Variants in SLC25A4 observed in about 807,000 individuals in gnomAD.
The protein encoded by SLC25A4 is ADP/ATP translocase 1.
In SLC25A4, 10 loss-of-function variants were observed where a neutral mutation model predicts 24.7. The ratio of observed to expected loss-of-function variants is 0.41; its 90% CI spans 0.25 to 0.69. The LOEUF is 0.69. SLC25A4 is among the 30% of genes least tolerant of loss of function. The pLI, the probability that SLC25A4 is intolerant of heterozygous loss-of-function variation, is 0.35. For synonymous variants in SLC25A4, 125 were observed against 153.3 expected, an observed-to-expected ratio of 0.82 and a Z score of 1.36; for missense variants, 273 against 387.6, an observed-to-expected ratio of 0.70 and a Z score of 2.48.
Position 185,146,985 on chromosome 4 carries a change from C to T in SLC25A4, c.*14C>T, listed in dbSNP as rs763461907. The T allele has an allele frequency of 8.1e-6, 13 of 1,610,640 alleles. No homozygotes were observed. The Admixed American group carries it at 2.0e-4, about 25-fold the overall frequency. ...AAATATGTCTAATGTAATTAAAACACAAGTTCACAGATTTACAGTGAACTT... is the reference window on the plus strand; with the variant it reads ...AAATATGTCTAATGTAATTAAAACATAAGTTCACAGATTTACAGTGAACTT... On this transcript the variant is annotated 3_prime_UTR_variant, in exon 4 of 4. Coordinates refer to ENST00000281456, the MANE Select transcript of SLC25A4 (RefSeq NM_001151.4).
rs1436542911 is a variant in SLC25A4, at chr4:185,148,425, C to A, written c.*1454C>A. The A allele has an allele frequency of 6.6e-6, 1 of 152,122 alleles. No homozygotes were observed. The highest frequency in any genetic ancestry group is 1.5e-5 in the Non-Finnish European group (1 of 68,038). The allele number at this position is 152,122 out of a possible 1,614,324, so 9.4% of individuals were successfully genotyped here. A position where few individuals can be genotyped will look rare whatever the true frequency, so the allele number is the denominator to read the frequency against. Reference sequence around the variant, plus strand: ...CCGTGGAAGGGAAAATAGATAGGAACCTGCCCTGAAAGATGCTTCAGTTGG... The same window carrying A: ...CCGTGGAAGGGAAAATAGATAGGAAACTGCCCTGAAAGATGCTTCAGTTGG... On this transcript the variant is annotated 3_prime_UTR_variant, in exon 4 of 4. Coordinates refer to ENST00000281456, the MANE Select transcript of SLC25A4 (RefSeq NM_001151.4).
chr4:185,146,539 CCTT>C (rs751140506), intron 3 of SLC25A4, among the ~76,000 whole-genome samples: 3 of 152,302 alleles, frequency 2.0e-5, no homozygotes, highest in Admixed American at 1.3e-4. Flanking sequence ...TCCACTGCGC[CCTT>C]CTTGTTTCGC....
chr4:185,145,335 A>ATTG lies in SLC25A4; in HGVS notation c.598+86_598+88dup, dbSNP rs1351620017. ...ATAACTCACAAAGGACCTGATATAT[A>ATTG]TTGATCTTGTTTTTTCTAGTCTCTG... is the stretch of plus-strand genomic sequence containing the variant. On this transcript the variant is annotated intron_variant, in intron 2 of 3. Transcript: ENST00000281456. This position sits in a 1 kb window ranked among gnomAD's most constrained non-coding sequence, Gnocchi z 5.5. The ATTG allele has an allele frequency of 6.3e-7, 1 of 1,595,750 alleles. No individual in the cohort carries two copies. The highest frequency in any genetic ancestry group is 1.3e-5 in the African/African-American group (1 of 74,716).
intron 1 of SLC25A4, 72 bp downstream of exon 1, chr4:185,143,555 C>G: frequency 2.0e-6 from 1 of 508,914 alleles, no homozygotes; most frequent in Non-Finnish European, 2.6e-6. Flanking sequence ...GCGGCGCGAG[C>G]TGCAGGGCGC....
chr4:185,144,541 A>T (rs1734403138), intron 1 of SLC25A4, among the ~76,000 whole-genome samples: 1 of 152,070 alleles, frequency 6.6e-6, no homozygotes, highest in Non-Finnish European at 1.5e-5. Context: ...TTTTCCCTCA[A>T]ATACCCTAAT....
intron 1 of SLC25A4, 80 bp downstream of exon 1, chr4:185,143,563 C>T (rs1325402385): frequency 2.3e-5 from 9 of 386,716 alleles, no homozygotes; most frequent in Non-Finnish European, 2.5e-5. Flanking sequence ...AGCTGCAGGG[C>T]GCGGGGCGCC....
At position 185,143,343 on chromosome 4, in the gene SLC25A4, CCTGCGGGCTGA is replaced by C; in HGVS notation, c.-29_-19del. 1 of 1,362,292 alleles carries C rather than the reference CCTGCGGGCTGA, an allele frequency of 7.3e-7. No homozygotes were observed. Among genetic ancestry groups the C allele is most frequent in the East Asian group, 2.7e-5 (1 of 37,470 alleles). 84.4% of individuals were successfully genotyped at this position (1,362,292 alleles called of 1,614,324 possible). A position where few individuals can be genotyped will look rare whatever the true frequency, so the allele number is the denominator to read the frequency against. On this transcript the variant is annotated 5_prime_UTR_variant, in exon 1 of 4. Coordinates refer to ENST00000281456, the MANE Select transcript of SLC25A4 (RefSeq NM_001151.4). ...CGTGGGCGAGAGCACGAACGGGCTG[CCTGCGGGCTGA>C]GAGCGTCGAGCTGTCACCATGGGTG...
Position 185,145,908 on chromosome 4 carries a change from G to T in SLC25A4, c.739+9G>T, listed in dbSNP as rs750999063. On this transcript the variant is annotated intron_variant, in intron 3 of 3. Coordinates refer to ENST00000281456, the MANE Select transcript of SLC25A4 (RefSeq NM_001151.4). This position sits in a 1 kb window ranked among gnomAD's most constrained non-coding sequence, Gnocchi z 5.5. ...GTCCGGCCGGAAAGGGGGTAAGCTT[G>T]TGCTCTACTCATCTAAACTTGTTTG... 29 of 1,614,106 alleles carry T rather than the reference G, an allele frequency of 1.8e-5. 1 individual carries two copies. In the South Asian group the frequency reaches 3.1e-4, roughly 17 times the overall value.
chr4:185,145,089 G>T lies in SLC25A4; in HGVS notation c.437G>T (p.Gly146Val). 6.2e-7 allele frequency: 1 copy of T among 1,613,550 alleles called. No homozygotes were observed. Among genetic ancestry groups the T allele is most frequent in the Non-Finnish European group, 8.5e-7 (1 of 1,179,584 alleles). Reference protein sequence around the residue: ...FARTRLAADVGKGAAQREFHG... With the variant: ...FARTRLAADVVKGAAQREFHG... The stretch of plus-strand genomic sequence containing the variant: ...AGGACCAGGTTGGCTGCTGATGTGG[G>T]CAAGGGCGCCGCCCAGCGTGAGTTC... The change falls in exon 2 of 4, where the codon GGC (glycine) becomes GTC (valine). Residue 146 changes from glycine to valine, a missense_variant. Coordinates refer to ENST00000281456, the MANE Select transcript of SLC25A4 (RefSeq NM_001151.4). The surrounding 1 kb of genome is among the most constrained non-coding windows in gnomAD (Gnocchi z 5.5).
Position 185,145,365 on chromosome 4 carries a change from A to G in SLC25A4, c.598+115A>G, listed in dbSNP as rs1053503078. The G allele has an allele frequency of 2.0e-6, 3 of 1,507,320 alleles. No homozygotes were observed. Among genetic ancestry groups the G allele is most frequent in the Non-Finnish European group, 2.7e-6 (3 of 1,102,736 alleles). 93.4% of individuals were successfully genotyped at this position (1,507,320 alleles called of 1,614,324 possible). The stretch of plus-strand genomic sequence containing the variant: ...TCTTGTTTTTTCTAGTCTCTGGGAT[A>G]ATTGAGGCTTCTGAATGAGGAGGTG... On this transcript the variant is annotated intron_variant, in intron 2 of 3. Transcript: ENST00000281456. The surrounding 1 kb of genome is among the most constrained non-coding windows in gnomAD (Gnocchi z 5.5).
At chr4:185,144,472 A>G (rs1734401222) in intron 1 of SLC25A4, among the ~76,000 whole-genome samples, 1 of 152,174 alleles carries the variant, frequency 6.6e-6, no homozygotes, top group Admixed American at 6.5e-5. Context: ...AGTGAAATAA[A>G]TAAATGGCTA....
chr4:185,149,055 G>A lies in SLC25A4; in HGVS notation c.*2084G>A, dbSNP rs1168789425. The stretch of plus-strand genomic sequence containing the variant: ...ATATCTAGGCCAATAAAGTCTAAAG[G>A]GCTAAAAAGAAGGTACCTCTCCATC... On this transcript the variant is annotated 3_prime_UTR_variant, in exon 4 of 4. Transcript: ENST00000281456. The A allele has an allele frequency of 6.6e-6, 1 of 152,136 alleles. No individual in the cohort carries two copies. The highest frequency in any genetic ancestry group is 2.1e-4 in the South Asian group (1 of 4,820). The allele number at this position is 152,136 out of a possible 1,614,324, so 9.4% of individuals were successfully genotyped here. A position where few individuals can be genotyped will look rare whatever the true frequency, so the allele number is the denominator to read the frequency against.
rs143179742 is a variant in SLC25A4 at position 185,145,474 on chromosome 4, G to C, written c.598+224G>C. 1.1e-5 allele frequency: 8 copies of C among 722,210 alleles called. No individual in the cohort carries two copies. Among genetic ancestry groups the C allele is most frequent in the South Asian group, 9.5e-5 (5 of 52,794 alleles). The allele number at this position is 722,210 out of a possible 1,614,324, so 44.7% of individuals were successfully genotyped here. A position where few individuals can be genotyped will look rare whatever the true frequency, so the allele number is the denominator to read the frequency against. On this transcript the variant is annotated intron_variant, in intron 2 of 3. Transcript: ENST00000281456. This position sits in a 1 kb window ranked among gnomAD's most constrained non-coding sequence, Gnocchi z 5.5. The stretch of plus-strand genomic sequence containing the variant: ...CCTTTAGTTATTCAGAGAGGAGGAG[G>C]GGGGAGCCTGTCTCCCTCTAGACAC...
chr4:185,145,543 C>A lies in SLC25A4; in HGVS notation c.599-216C>A. On this transcript the variant is annotated intron_variant, in intron 2 of 3. Transcript: ENST00000281456. The surrounding 1 kb of genome is among the most constrained non-coding windows in gnomAD (Gnocchi z 5.5). The stretch of plus-strand genomic sequence containing the variant: ...GTTTAACTTGAAGCCACTTCCAATG[C>A]CCTGTATACAAGCTGAGCACTGCCC... The A allele has an allele frequency of 3.0e-6, 2 of 669,584 alleles. No individual in the cohort carries two copies. Among genetic ancestry groups the A allele is most frequent in the South Asian group, 3.9e-5 (2 of 51,914 alleles). The allele number at this position is 669,584 out of a possible 1,614,324, so 41.5% of individuals were successfully genotyped here.
Position 185,148,944 on chromosome 4 carries a change from CT to C in SLC25A4, c.*1974del, listed in dbSNP as rs1440781407. The C allele has an allele frequency of 1.3e-5, 2 of 152,314 alleles. No homozygotes were observed. Among genetic ancestry groups the C allele is most frequent in the African/African-American group, 4.8e-5 (2 of 41,456 alleles). 9.4% of individuals were successfully genotyped at this position (152,314 alleles called of 1,614,324 possible). ...CACCGACTCACTCCTGCCTCCCCAG[CT>C]AAAAATTGGCTGTGTTGCTTTTACC... is the stretch of plus-strand genomic sequence containing the variant. On this transcript the variant is annotated 3_prime_UTR_variant, in exon 4 of 4. Coordinates refer to ENST00000281456, the MANE Select transcript of SLC25A4 (RefSeq NM_001151.4).
intron 3 of SLC25A4, 79 bp from the exon 4 acceptor site, chr4:185,146,735 A>G: frequency 6.5e-7 from 1 of 1,528,394 alleles, no homozygotes; most frequent in Non-Finnish European, 9.1e-7. Context: ...AACTGGTAAC[A>G]GTGTGTACAG....
chr4:185,145,860 GT>G lies in SLC25A4; in HGVS notation c.702del (p.Arg235ValfsTer4). On this transcript the variant is annotated frameshift_variant, in exon 3 of 4. Transcript: ENST00000281456. LOFTEE classifies it high-confidence loss of function. The surrounding 1 kb of genome is among the most constrained non-coding windows in gnomAD (Gnocchi z 5.5). The stretch of plus-strand genomic sequence containing the variant: ...GCTGGTGTCCTACCCCTTTGACACT[GT>G]TCGTCGTAGAATGATGATGCAGTCC... ...AGLVSYPFDT[V>X]RRRMMMQSGR... The G allele has an allele frequency of 6.2e-7, 1 of 1,614,202 alleles. No homozygotes were observed. The highest frequency in any genetic ancestry group is 2.2e-5 in the East Asian group (1 of 44,890).
Position 185,145,795 on chromosome 4 carries a change from T to C in SLC25A4, c.635T>C (p.Val212Ala). ...LPDPKNVHIF[V>A]SWMIAQSVTA... Reference sequence around the variant, plus strand: ...GACCCCAAGAACGTGCACATTTTTGTGAGCTGGATGATTGCCCAGAGTGTG... The same window carrying C: ...GACCCCAAGAACGTGCACATTTTTGCGAGCTGGATGATTGCCCAGAGTGTG... Residue 212 changes from valine to alanine, a missense_variant, in exon 3 of 4, where the codon GTG becomes GCG. Physicochemically the swap from Val to Ala is moderately conservative, Grantham distance 64. Transcript: ENST00000281456. This position sits in a 1 kb window ranked among gnomAD's most constrained non-coding sequence, Gnocchi z 5.5. The C allele has an allele frequency of 6.2e-7, 1 of 1,614,208 alleles. No individual in the cohort carries two copies. Among genetic ancestry groups the C allele is most frequent in the Admixed American group, 1.7e-5 (1 of 60,026 alleles).
Position 185,146,697 on chromosome 4 carries a change from C to A in SLC25A4, c.740-117C>A, listed in dbSNP as rs1041293268. 8.3e-5 allele frequency: 98 copies of A among 1,178,348 alleles called. No individual in the cohort carries two copies. In the African/African-American group the frequency reaches 1.3e-3, roughly 15 times the overall value. The allele number at this position is 1,178,348 out of a possible 1,614,324, so 73.0% of individuals were successfully genotyped here. On this transcript the variant is annotated intron_variant, in intron 3 of 3. Transcript: ENST00000281456. ...TGGGATGTTGCATGGAGCTGGGACTCCATGCCCAGATGACCCTGATTTTAT... is the reference window on the plus strand; with the variant it reads ...TGGGATGTTGCATGGAGCTGGGACTACATGCCCAGATGACCCTGATTTTAT...
Sources: gnomAD v4.1 joint callset for allele counts (sites outside exome capture counted in the v4.1 genomes callset) on GRCh38, gnomAD v4.1.1 for gene constraint, Gnocchi (gnomAD v3.1) non-coding constraint, MANE v1.5 for transcripts, NCBI Gene and HGNC (gene_info 2026-07-23, HGNC 2026-07-21) for gene names.